The following CAMSAP1 variants were observed in gnomAD, a reference collection of about 807,000 sequenced individuals.
The protein encoded by CAMSAP1 is calmodulin-regulated spectrin-associated protein 1.
In CAMSAP1, 58 loss-of-function variants were observed where a neutral mutation model predicts 143.5. The observed-to-expected ratio is 0.40, with a 90% CI of 0.33 to 0.50. The LOEUF (loss-of-function observed/expected upper bound fraction) is 0.50. Among genes scored for constraint, CAMSAP1 ranks in the 20% least tolerant of loss-of-function variants. CAMSAP1 has a pLI of 0.45. For synonymous variants in CAMSAP1, 945 were observed against 859.3 expected (o/e 1.10, Z -1.74); for missense variants, 1,969 against 2,115.7 (o/e 0.93, Z 1.36).
At chr9:135,814,973 A>C in intron 16 of CAMSAP1, 124 bp downstream of exon 16, 4 of 736,780 alleles carry the variant, frequency 5.4e-6, no homozygotes, top group South Asian at 1.9e-5. Flanking sequence ...CTTCCTTGAA[A>C]TCTGCATTCT....
chr9:135,824,158 A>T lies in CAMSAP1; in HGVS notation c.1316-124T>A, dbSNP rs1835590011. 1.3e-6 allele frequency: 1 copy of T among 786,422 alleles called. No homozygotes were observed. 48.7% of individuals were successfully genotyped at this position (786,422 alleles called of 1,614,324 possible). A position where few individuals can be genotyped will look rare whatever the true frequency, so the allele number is the denominator to read the frequency against. On this transcript the variant is annotated intron_variant, in intron 9 of 16. Coordinates refer to ENST00000389532, the MANE Select transcript of CAMSAP1 (RefSeq NM_015447.4). The surrounding 1 kb of genome is among the most constrained non-coding windows in gnomAD (Gnocchi z 4.1). ...CAGTACACCAGAAGGGCCGCATGGAAAGCAGAGAGGCAAAACCATACAGTT... is the reference window on the plus strand; with the variant it reads ...CAGTACACCAGAAGGGCCGCATGGATAGCAGAGAGGCAAAACCATACAGTT...
intron 14 of CAMSAP1, among the ~76,000 whole-genome samples, chr9:135,817,041 C>T (rs187572692): frequency 4.6e-5 from 7 of 152,242 alleles, no homozygotes; most frequent in East Asian, 1.9e-4. Flanking sequence ...CACAGGAAGC[C>T]GATACTGAGA....
chr9:135,843,597 C>G (rs575593348), intron 7 of CAMSAP1, among the ~76,000 whole-genome samples: 1 of 151,862 alleles, frequency 6.6e-6, no homozygotes, highest in East Asian at 2.0e-4. Context: ...GCTGGCAGGG[C>G]GCAGTGGTTC....
chr9:135,902,965 G>A (rs146509078), intron 1 of CAMSAP1, among the ~76,000 whole-genome samples: 4 of 152,196 alleles, frequency 2.6e-5, no homozygotes, highest in African/African-American at 7.2e-5. Context: ...GAGCTACACC[G>A]CCGACATCCT....
chr9:135,881,954 C>T (rs936300942), intron 2 of CAMSAP1, among the ~76,000 whole-genome samples, 160 bp from the exon 3 acceptor site: 7 of 152,254 alleles, frequency 4.6e-5, no homozygotes, highest in African/African-American at 1.7e-4. Flanking sequence ...CTCCCCCGCA[C>T]CATCACTGTT....
chr9:135,817,947 C>G, intron 14 of CAMSAP1, 30 bp downstream of exon 14: 2 of 1,602,706 alleles, frequency 1.2e-6, no homozygotes, highest in Non-Finnish European at 1.7e-6. Flanking sequence ...TCCTCCAGCC[C>G]CGTGCCGGCG....
Position 135,858,216 on chromosome 9 carries a change from G to A in CAMSAP1, c.808+4251C>T, listed in dbSNP as rs1027588902. ...TTGTTCAGAGTCCAGATATATCTTA[G>A]TTTCATCCAAAATGGAATCTGTAAT... is the stretch of plus-strand genomic sequence containing the variant. On this transcript the variant is annotated intron_variant, in intron 5 of 16. Transcript: ENST00000389532. 3.4e-5 allele frequency among the ~76,000 whole-genome samples: 5 copies of A among 147,482 alleles called. No individual in the cohort carries two copies. The Admixed American group carries it at 3.4e-4, about 10-fold the overall frequency.
At chr9:135,889,214 G>C (rs974158895) in intron 1 of CAMSAP1, among the ~76,000 whole-genome samples, 3 of 152,132 alleles carry the variant, frequency 2.0e-5, no homozygotes, top group Non-Finnish European at 2.9e-5. Flanking sequence ...TAGCCCCCAG[G>C]AGCAGGTCAG....
At chr9:135,865,100 G>C (rs888489422) in intron 4 of CAMSAP1, 5 of 554,198 alleles carry the variant, frequency 9.0e-6, no homozygotes, top group Non-Finnish European at 1.6e-5. Context: ...ACTTAAAGAA[G>C]TAACTAGGAA....
chr9:135,842,451 C>T (rs2131720275), intron 7 of CAMSAP1, among the ~76,000 whole-genome samples: 1 of 152,228 alleles, frequency 6.6e-6, no homozygotes, highest in East Asian at 1.9e-4. Flanking sequence ...GAGAACTTCC[C>T]CAACCTAGCA....
At chr9:135,892,626 G>A (rs1221496795) in intron 1 of CAMSAP1, among the ~76,000 whole-genome samples, 2 of 151,968 alleles carry the variant, frequency 1.3e-5, no homozygotes, top group African/African-American at 4.8e-5. Flanking sequence ...GCCAAGGCGG[G>A]TGGATCACGA....
intron 7 of CAMSAP1, chr9:135,836,088 C>T (rs764432940): frequency 2.7e-4 from 270 of 984,588 alleles, no homozygotes; most frequent in Non-Finnish European, 3.1e-4. Context: ...GCAGAAACTT[C>T]GGAAAGAGAG....
rs373249611 is a variant in CAMSAP1, at chr9:135,841,863, AAGG to A, written c.1045+8271_1045+8273del. On this transcript the variant is annotated intron_variant, in intron 7 of 16. Coordinates refer to ENST00000389532, the MANE Select transcript of CAMSAP1 (RefSeq NM_015447.4). The stretch of plus-strand genomic sequence containing the variant: ...CAAAGGTCACCAACATCAAAAACCA[AAGG>A]TAGATAAATCCACAAAGATGAGGAA... 1.7e-4 allele frequency among the ~76,000 whole-genome samples: 26 copies of A among 152,324 alleles called. 1 individual carries two copies. The East Asian group carries it at 3.9e-3, about 23-fold the overall frequency.
intron 5 of CAMSAP1, among the ~76,000 whole-genome samples, chr9:135,861,775 T>C (rs1362468491): frequency 1.3e-5 from 2 of 152,244 alleles, no homozygotes; most frequent in Non-Finnish European, 1.5e-5. Flanking sequence ...CTTGGCCTTG[T>C]ATCTGCCTAC....
chr9:135,889,342 C>T (rs1838222834), intron 1 of CAMSAP1, among the ~76,000 whole-genome samples: 1 of 152,214 alleles, frequency 6.6e-6, no homozygotes, highest in Admixed American at 6.5e-5. Context: ...GCCCAACACA[C>T]AACCCAAAGC....
At position 135,907,233 on chromosome 9, in the gene CAMSAP1, T is replaced by G. The variant is rs1838813622; in HGVS notation, c.-74A>C. On this transcript the variant is annotated 5_prime_UTR_variant, in exon 1 of 17. Coordinates refer to ENST00000389532, the MANE Select transcript of CAMSAP1 (RefSeq NM_015447.4). ...CCGCCCCTCGCCGCGCCGGGCCCGGTGCGCCCCGAGCCACCACTCGGCCCC... is the reference window on the plus strand; with the variant it reads ...CCGCCCCTCGCCGCGCCGGGCCCGGGGCGCCCCGAGCCACCACTCGGCCCC... 1.1e-6 allele frequency: 1 copy of G among 940,842 alleles called. No homozygotes were observed. The highest frequency in any genetic ancestry group is 9.0e-5 in the East Asian group (1 of 11,076). The allele number at this position is 940,842 out of a possible 1,614,324, so 58.3% of individuals were successfully genotyped here.
At chr9:135,883,189 C>G in intron 1 of CAMSAP1, 111 bp from the exon 2 acceptor site, 1 of 1,170,370 alleles carries the variant, frequency 8.5e-7, no homozygotes, top group South Asian at 1.6e-5. Context: ...CTGGGCAACA[C>G]AGGGAGACCA....
intron 3 of CAMSAP1, among the ~76,000 whole-genome samples, chr9:135,875,376 G>A (rs1205492698): frequency 6.6e-6 from 1 of 151,822 alleles, no homozygotes; most frequent in Non-Finnish European, 1.5e-5. Flanking sequence ...TGCCTGGCTA[G>A]TTTTTTGTAT....
intron 3 of CAMSAP1, among the ~76,000 whole-genome samples, chr9:135,881,277 G>C (rs1488519742): frequency 6.6e-6 from 1 of 151,852 alleles, no homozygotes; most frequent in Non-Finnish European, 1.5e-5. Context: ...GGATCACTTG[G>C]AGCCTGGGAG....
Sources: gnomAD v4.1 joint callset for allele counts (sites outside exome capture counted in the v4.1 genomes callset) on GRCh38, gnomAD v4.1.1 for gene constraint, Gnocchi (gnomAD v3.1) non-coding constraint, MANE v1.5 for transcripts, NCBI Gene and HGNC (gene_info 2026-07-23, HGNC 2026-07-21) for gene names.